Variants in ZNF10 observed in about 807,000 individuals in gnomAD.
The protein encoded by ZNF10 is zinc finger protein 10 (KOX 1).
Under a neutral mutation model 12.2 loss-of-function variants are expected in ZNF10, and 8 were observed. That is an observed-to-expected ratio of 0.66 (90% CI 0.39 to 1.18). The LOEUF (loss-of-function observed/expected upper bound fraction) is 1.18. ZNF10 is among the 50% of genes most tolerant of loss of function. The pLI is 0.01. For synonymous variants in ZNF10, 229 were observed against 228.2 expected, an observed-to-expected ratio of 1.00 and a Z score of -0.03; for missense variants, 603 against 678.9, an observed-to-expected ratio of 0.89 and a Z score of 1.24.
chr12:133,152,539 C>T (rs1467036245), intron 4 of ZNF10, among the ~76,000 whole-genome samples: 6 of 152,150 alleles, frequency 3.9e-5, no homozygotes, highest in Non-Finnish European at 8.8e-5. Flanking sequence ...CTTAGCCTCC[C>T]AAAGAACCAG....
In ZNF10 at chr12:133,150,913, A is replaced by G. The variant is rs899630272; in HGVS notation, c.34-115A>G. 3.0e-6 allele frequency: 4 copies of G among 1,314,326 alleles called. No individual in the cohort carries two copies. The African/African-American group carries it at 5.9e-5, about 19-fold the overall frequency. 81.4% of individuals were successfully genotyped at this position (1,314,326 alleles called of 1,614,324 possible). A position where few individuals can be genotyped will look rare whatever the true frequency, so the allele number is the denominator to read the frequency against. On this transcript the variant is annotated intron_variant, in intron 2 of 4. Transcript: ENST00000248211. ...TCACTCCTAGAATAAATTGTGGTCC[A>G]TCCACTTTACCTGCCCCAGTGCTGT...
intron 1 of ZNF10, among the ~76,000 whole-genome samples, chr12:133,140,493 A>C (rs1396015976): frequency 6.7e-6 from 1 of 149,852 alleles, no homozygotes; most frequent in Non-Finnish European, 1.5e-5. Context: ...TTTTACAAAT[A>C]CTAACTCATT....
At chr12:133,140,070 G>A (rs1439771368) in intron 1 of ZNF10, among the ~76,000 whole-genome samples, 1 of 151,724 alleles carries the variant, frequency 6.6e-6, no homozygotes, top group African/African-American at 2.4e-5. Flanking sequence ...GAGTGTGATG[G>A]TATGTGCCTT....
intron 1 of ZNF10, among the ~76,000 whole-genome samples, chr12:133,138,687 T>C (rs190222358): frequency 1.6e-4 from 24 of 152,340 alleles, no homozygotes; most frequent in African/African-American, 5.5e-4. Context: ...AGTAATTTTT[T>C]TCAGGCTGAG....
rs200443735 is a variant in ZNF10 at position 133,156,726 on chromosome 12, T to C, written c.1480T>C (p.Cys494Arg). The C allele has an allele frequency of 1.9e-6, 3 of 1,612,014 alleles. No homozygotes were observed. The highest frequency in any genetic ancestry group is 2.2e-5 in the South Asian group (2 of 90,618). Residue 494 changes from cysteine to arginine, a missense_variant, in exon 5 of 5, where the codon TGT becomes CGT. Coordinates refer to ENST00000248211, the MANE Select transcript of ZNF10 (RefSeq NM_015394.5). ...AGAGAAACCATATGAATGCTGTCAG[T>C]GTGGGAAAGCCTTCATCCGGAAGAA... ...TGEKPYECCQCGKAFIRKNDL... is the reference protein window; with the variant it reads ...TGEKPYECCQRGKAFIRKNDL...
At chr12:133,141,567 G>A (rs1053716908) in intron 1 of ZNF10, among the ~76,000 whole-genome samples, 1 of 152,052 alleles carries the variant, frequency 6.6e-6, no homozygotes, top group African/African-American at 2.4e-5. Flanking sequence ...AATATACCAG[G>A]TTAACAGAAG....
chr12:133,149,510 AC>A (rs1451447185), intron 2 of ZNF10, among the ~76,000 whole-genome samples: 3 of 151,472 alleles, frequency 2.0e-5, no homozygotes, highest in Non-Finnish European at 4.4e-5. Flanking sequence ...GGCACATGCC[AC>A]CACGCCTGGT....
chr12:133,158,127 A>G lies in ZNF10; in HGVS notation c.*1159A>G, dbSNP rs569459162. The stretch of plus-strand genomic sequence containing the variant: ...CATGCTGCTTAGCTTCTCTGTGCCA[A>G]ACTTACTGATATCCTCATCTGTAAA... On this transcript the variant is annotated 3_prime_UTR_variant, in exon 5 of 5. Coordinates refer to ENST00000248211, the MANE Select transcript of ZNF10 (RefSeq NM_015394.5). The G allele has an allele frequency of 1.3e-5, 2 of 152,306 alleles. No homozygotes were observed. Among genetic ancestry groups the G allele is most frequent in the South Asian group, 2.1e-4 (1 of 4,830 alleles). The allele number at this position is 152,306 out of a possible 1,614,324, so 9.4% of individuals were successfully genotyped here.
intron 4 of ZNF10, among the ~76,000 whole-genome samples, chr12:133,152,811 T>TA (rs1217921815): frequency 6.6e-6 from 1 of 152,238 alleles, no homozygotes; most frequent in Admixed American, 6.5e-5. Flanking sequence ...ATCTGAGTCT[T>TA]ACTTGTCCTG....
chr12:133,133,117 A>C (rs1955890211), intron 1 of ZNF10, among the ~76,000 whole-genome samples: 1 of 152,202 alleles, frequency 6.6e-6, no homozygotes, highest in South Asian at 2.1e-4. Context: ...TCTTAAGTGT[A>C]CATTTGCTGA....
At chr12:133,139,817 T>C (rs1955934041) in intron 1 of ZNF10, among the ~76,000 whole-genome samples, 1 of 152,046 alleles carries the variant, frequency 6.6e-6, no homozygotes, top group African/African-American at 2.4e-5. Flanking sequence ...CCCAGCACTT[T>C]AGGAGGCCAA....
At chr12:133,143,225 C>A (rs1057335005) in intron 1 of ZNF10, among the ~76,000 whole-genome samples, 1 of 151,854 alleles carries the variant, frequency 6.6e-6, no homozygotes, top group African/African-American at 2.4e-5. Context: ...ACCAGAGATT[C>A]TGTTTGGAGC....
In ZNF10 at chr12:133,155,995, G is replaced by A; in HGVS notation, c.749G>A (p.Gly250Asp). The change falls in exon 5 of 5, where the codon GGT becomes GAT. Residue 250 changes from glycine to aspartate, a missense_variant. Physicochemically the swap from Gly to Asp is moderately conservative, Grantham distance 94. This residue lies in a region of ZNF10 where 393 missense variants were observed against 399.7 expected (regional missense o/e 0.98). Transcript: ENST00000248211. ...CPDNDNSLTH[G>D]SSLGISKGIH... Reference sequence around the variant, plus strand: ...GATAATGACAACTCTCTTACTCATGGTTCATCTCTTGGTATATCAAAGGGC... The same window carrying A: ...GATAATGACAACTCTCTTACTCATGATTCATCTCTTGGTATATCAAAGGGC... 3 of 1,613,918 alleles carry A rather than the reference G, an allele frequency of 1.9e-6. No individual in the cohort carries two copies. The highest frequency in any genetic ancestry group is 2.5e-6 in the Non-Finnish European group (3 of 1,180,016).
chr12:133,133,400 T>A (rs1955891773), intron 1 of ZNF10, among the ~76,000 whole-genome samples: 2 of 152,216 alleles, frequency 1.3e-5, no homozygotes, highest in Non-Finnish European at 2.9e-5. Flanking sequence ...TAGTCACATG[T>A]CAGAGTGAAT....
rs556351154 is a variant in ZNF10, at chr12:133,139,162, T to C, written c.-59-5272T>C. On this transcript the variant is annotated intron_variant, in intron 1 of 4. Coordinates refer to ENST00000248211, the MANE Select transcript of ZNF10 (RefSeq NM_015394.5). ...TCAGCTAATTGTGGATCTCTCTTGC[T>C]GTACTTTAATTCAGTCATTGTTGCT... The C allele has an allele frequency of 3.3e-5, 5 of 152,350 alleles. No individual in the cohort carries two copies. In the East Asian group the frequency reaches 9.6e-4, roughly 29 times the overall value. The allele number at this position is 152,350 out of a possible 1,614,324, so 9.4% of individuals were successfully genotyped here. A position where few individuals can be genotyped will look rare whatever the true frequency, so the allele number is the denominator to read the frequency against.
rs1417078481 is a variant in ZNF10, at chr12:133,159,292, ATAT to A, written c.*2326_*2328del. 5 of 152,252 alleles carry A rather than the reference ATAT, an allele frequency of 3.3e-5. No homozygotes were observed. The highest frequency in any genetic ancestry group is 7.3e-5 in the Non-Finnish European group (5 of 68,038). The allele number at this position is 152,252 out of a possible 1,614,324, so 9.4% of individuals were successfully genotyped here. On this transcript the variant is annotated 3_prime_UTR_variant, in exon 5 of 5. Transcript: ENST00000248211. ...AAAATAAAAAATGTACACTAGCATA[ATAT>A]TTGTGGCATATCCGTGTAATGGAAG...
At position 133,151,883 on chromosome 12, in the gene ZNF10, A is replaced by G. The variant is rs1181825583; in HGVS notation, c.235A>G (p.Ile79Val). ...GEEPWLVERE[I>V]HQETHPDSET... ...AGAGCCCTGGCTGGTGGAGAGAGAA[A>G]TTCACCAAGAGACCCATCCTGGTGA... The change falls in exon 4 of 5, where the codon ATT becomes GTT. Residue 79 changes from isoleucine (I) to valine (V), a missense_variant. This residue lies in a region of ZNF10 where 393 missense variants were observed against 399.7 expected (regional missense o/e 0.98). Transcript: ENST00000248211. The G allele has an allele frequency of 3.1e-6, 5 of 1,613,330 alleles. 1 individual carries two copies. In the Admixed American group the frequency reaches 6.7e-5, roughly 22 times the overall value.
At chr12:133,146,437 A>G (rs549076824) in intron 2 of ZNF10, among the ~76,000 whole-genome samples, 93 of 152,268 alleles carry the variant, frequency 6.1e-4, no homozygotes, top group African/African-American at 2.2e-3. Context: ...TACAGATCTC[A>G]TAGGACATTC....
intron 2 of ZNF10, 27 bp downstream of exon 2, chr12:133,144,552 C>T: frequency 1.2e-6 from 2 of 1,609,230 alleles, no homozygotes; most frequent in Non-Finnish European, 1.7e-6. Context: ...TCCCAGTTTC[C>T]AACTGGGAAT....
Sources: allele counts gnomAD v4.1 joint callset (sites outside exome capture counted in the v4.1 genomes callset), GRCh38; gene constraint gnomAD v4.1.1; regional missense constraint gnomAD v4.1.1; transcripts MANE v1.5; gene names NCBI Gene and HGNC (gene_info 2026-07-23, HGNC 2026-07-21).